MAGI1: variants seen among roughly 807,000 people sequenced by gnomAD.
MAGI1 encodes membrane-associated guanylate kinase, WW and PDZ domain-containing protein 1.
MAGI1 carries 58 observed loss-of-function variants against 139.9 expected under a neutral mutation model. That is an observed-to-expected ratio of 0.41 (90% confidence interval 0.34 to 0.52). The LOEUF (loss-of-function observed/expected upper bound fraction) is 0.52, where lower values mean the gene tolerates loss of function less well. Ranked by LOEUF, MAGI1 falls within the 20% of genes least tolerant of loss-of-function variation. The pLI, the probability that MAGI1 is intolerant of heterozygous loss-of-function variation, is 0.12. For missense variants in MAGI1, 1,874 were observed against 1,901.6 expected, an observed-to-expected ratio of 0.99 and a Z score of 0.27; for synonymous variants, 812 against 737.9, an observed-to-expected ratio of 1.10 and a Z score of -1.63.
intron 2 of MAGI1, among the ~76,000 whole-genome samples, chr3:65,575,904 T>C (rs760809650): frequency 2.3e-4 from 35 of 152,152 alleles, no homozygotes; most frequent in Non-Finnish European, 4.7e-4. Context: ...AATCGGGAGA[T>C]ACAGGGTAGA....
At chr3:66,018,103 G>T (rs2067750973) in intron 1 of MAGI1, among the ~76,000 whole-genome samples, 1 of 116,878 alleles carries the variant, frequency 8.6e-6, no homozygotes, top group East Asian at 3.5e-4. Context: ...GATAAGGAAG[G>T]ACACTTTGGT....
At chr3:65,928,851 C>A (rs2062653086) in intron 1 of MAGI1, among the ~76,000 whole-genome samples, 2 of 152,154 alleles carry the variant, frequency 1.3e-5, no homozygotes, top group East Asian at 1.9e-4. Flanking sequence ...AATAATGAAA[C>A]CTTCTCTGTA....
At chr3:65,503,215 A>G (rs1317494017) in intron 2 of MAGI1, among the ~76,000 whole-genome samples, 1 of 152,192 alleles carries the variant, frequency 6.6e-6, no homozygotes, top group South Asian at 2.1e-4. Context: ...CAGCTAAAAG[A>G]GACTTGACTG....
Position 65,430,729 on chromosome 3 carries a change from G to C in MAGI1, c.1516C>G (p.Pro506Ala). 1 of 1,613,520 alleles carries C rather than the reference G, an allele frequency of 6.2e-7. No homozygotes were observed. The highest frequency in any genetic ancestry group is 8.5e-7 in the Non-Finnish European group (1 of 1,179,732). The change falls in exon 11 of 23, where the codon CCT becomes GCT. Residue 506 changes from proline (P) to alanine (A), a missense_variant. Pro to Ala is a conservative substitution (Grantham distance 27, BLOSUM62 -1). Around this residue, in one of 5 missense-constraint regions of MAGI1, gnomAD observed 86 missense variants for 130.0 expected, o/e 0.66. Transcript: ENST00000402939. ...TCCATCTTGCCATCCAATGCAGCAG[G>C]ACCATCTAGGACCAAGCTCTTGATC... ...LQIKSLVLDG[P>A]AALDGKMETG... is the part of the protein sequence containing the mutation.
chr3:65,474,612 T>TACACACACACACAC (rs60798256), intron 4 of MAGI1, among the ~76,000 whole-genome samples: 1 of 150,640 alleles, frequency 6.6e-6, no homozygotes, highest in Non-Finnish European at 1.5e-5. Flanking sequence ...CAAGCTTTTA[T>TACACACACACACAC]ACACACACAC....
intron 1 of MAGI1, among the ~76,000 whole-genome samples, chr3:65,741,062 T>C (rs1351246268): frequency 1.3e-5 from 2 of 152,228 alleles, no homozygotes; most frequent in Non-Finnish European, 1.5e-5. Flanking sequence ...ATGCACATTT[T>C]GAAGCTCCTT....
chr3:65,763,409 C>A (rs957621063), intron 1 of MAGI1, among the ~76,000 whole-genome samples: 17 of 152,084 alleles, frequency 1.1e-4, no homozygotes, highest in Non-Finnish European at 2.5e-4. Flanking sequence ...CTGTGACTCT[C>A]ACAGTGCTTT....
intron 6 of MAGI1, among the ~76,000 whole-genome samples, chr3:65,448,786 G>A (rs2107472713): frequency 6.6e-6 from 1 of 151,894 alleles, no homozygotes; most frequent in South Asian, 2.1e-4. Flanking sequence ...AAAATTTCAG[G>A]GAGCAAAACA....
intron 2 of MAGI1, among the ~76,000 whole-genome samples, chr3:65,540,790 C>G (rs2079173221): frequency 6.6e-6 from 1 of 152,184 alleles, no homozygotes; most frequent in African/African-American, 2.4e-5. Context: ...AAGTGCCTCT[C>G]TCCCTTCTTC....
intron 2 of MAGI1, among the ~76,000 whole-genome samples, chr3:65,510,640 A>C (rs11914523): frequency 0.26 from 22,894 of 86,910 alleles, 3,824 homozygotes; most frequent in East Asian, 0.69. Flanking sequence ...GCCTCCAAGA[A>C]ATATGGGACT....
chr3:65,766,236 CG>C (rs912508740), intron 1 of MAGI1, among the ~76,000 whole-genome samples: 6 of 152,078 alleles, frequency 3.9e-5, no homozygotes, highest in African/African-American at 1.4e-4. Context: ...ACTCAGAAAT[CG>C]GGAGTTTAAT....
At chr3:65,462,235 G>T (rs966650520) in intron 5 of MAGI1, among the ~76,000 whole-genome samples, 1 of 152,080 alleles carries the variant, frequency 6.6e-6, no homozygotes, top group Non-Finnish European at 1.5e-5. Flanking sequence ...TTTCTTCTAG[G>T]GTTTTTATGG....
intron 1 of MAGI1, among the ~76,000 whole-genome samples, chr3:65,785,162 C>T (rs1183189336): frequency 6.6e-6 from 1 of 152,056 alleles, no homozygotes; most frequent in African/African-American, 2.4e-5. Flanking sequence ...ACTTCTGTAT[C>T]CCATATGTAT....
chr3:65,543,666 C>T (rs567655166), intron 2 of MAGI1, among the ~76,000 whole-genome samples: 1 of 152,092 alleles, frequency 6.6e-6, no homozygotes, highest in Non-Finnish European at 1.5e-5. Context: ...AAACCAAACA[C>T]CACATATTCT....
chr3:65,519,898 G>C (rs1016833592), intron 2 of MAGI1, among the ~76,000 whole-genome samples: 4 of 152,164 alleles, frequency 2.6e-5, no homozygotes, highest in African/African-American at 9.6e-5. Context: ...GAAGGAATAA[G>C]GCAGGCATGG....
intron 1 of MAGI1, chr3:65,893,913 C>T (rs1326476630): frequency 2.0e-5 from 3 of 152,150 alleles, no homozygotes; most frequent in Non-Finnish European, 4.4e-5. Context: ...CATCTGAAAC[C>T]TCAGGTGTGT....
At chr3:65,659,621 C>G (rs373416879) in intron 1 of MAGI1, among the ~76,000 whole-genome samples, 1 of 152,182 alleles carries the variant, frequency 6.6e-6, no homozygotes, top group Non-Finnish European at 1.5e-5. Context: ...AAACCGCAAA[C>G]CCCACGGCAT....
At chr3:65,866,351 C>CTT (rs60871707) in intron 1 of MAGI1, among the ~76,000 whole-genome samples, 4,712 of 133,234 alleles carry the variant, frequency 0.035, 118 homozygotes, top group Non-Finnish European at 0.054. Context: ...GTGCCTACTT[C>CTT]TTTTTTTTTT....
intron 1 of MAGI1, among the ~76,000 whole-genome samples, chr3:65,671,071 T>C (rs1164620818): frequency 2.0e-5 from 3 of 152,190 alleles, no homozygotes; most frequent in Non-Finnish European, 4.4e-5. Flanking sequence ...CATGCAATTC[T>C]TCTAAGCACT....
Sources: allele counts gnomAD v4.1 joint callset (sites outside exome capture counted in the v4.1 genomes callset), GRCh38; gene constraint gnomAD v4.1.1; regional missense constraint gnomAD v4.1.1; transcripts MANE v1.5; gene names NCBI Gene and HGNC (gene_info 2026-07-23, HGNC 2026-07-21).